ATP10B: variants seen among roughly 807,000 people sequenced by gnomAD.
ATP10B encodes phospholipid-transporting ATPase VB.
A neutral mutation model predicts 141.2 loss-of-function variants in ATP10B; 122 were observed. That is an observed-to-expected ratio of 0.86 (90% CI 0.75 to 1.00). The LOEUF (loss-of-function observed/expected upper bound fraction) is 1.00. Ranked by LOEUF, ATP10B falls within the 50% of genes least tolerant of loss-of-function variation. The probability of loss-of-function intolerance (pLI) is 0.00; values close to 1 mark genes in which losing one functional copy is unlikely to be tolerated. For synonymous variants in ATP10B, 685 were observed against 692.0 expected (o/e 0.99, Z 0.16); for missense variants, 1,876 against 1,825.3 (o/e 1.03, Z -0.51).
intron 2 of ATP10B, among the ~76,000 whole-genome samples, chr5:160,759,091 TGA>T (rs34950903): frequency 0.022 from 3,349 of 152,304 alleles, 111 homozygotes; most frequent in African/African-American, 0.077. Flanking sequence ...GAGCTTTTTT[TGA>T]GTCATAAAAA....
the ATP10B span, among the ~76,000 whole-genome samples, chr5:160,912,203 G>A: frequency 1.3e-5 from 2 of 151,806 alleles, no homozygotes; most frequent in African/African-American, 4.8e-5. Flanking sequence ...TTAGAAAATT[G>A]GAATAAAATA....
chr5:160,865,322 G>A, the ATP10B span, among the ~76,000 whole-genome samples: 1 of 152,030 alleles, frequency 6.6e-6, no homozygotes, highest in Non-Finnish European at 1.5e-5. Flanking sequence ...AAGGTTGGGG[G>A]AAAGGACACT....
chr5:160,576,136 G>A (rs10077637), intron 24 of ATP10B, among the ~76,000 whole-genome samples: 58 of 152,130 alleles, frequency 3.8e-4, no homozygotes, highest in Non-Finnish European at 6.2e-4. Flanking sequence ...GAATGGGGTC[G>A]GGTAGAATTG....
chr5:160,813,024 G>C (rs1244375342), intron 1 of ATP10B, among the ~76,000 whole-genome samples: 1 of 152,196 alleles, frequency 6.6e-6, no homozygotes, highest in Non-Finnish European at 1.5e-5. Flanking sequence ...TGGCCAAATA[G>C]GAACAGCTCC....
chr5:160,580,128 T>G (rs1755450426), intron 24 of ATP10B, among the ~76,000 whole-genome samples: 1 of 152,232 alleles, frequency 6.6e-6, no homozygotes, highest in African/African-American at 2.4e-5. Flanking sequence ...TGACTTCCTC[T>G]TCTCCTATTT....
chr5:160,647,132 T>C (rs1268125167), intron 8 of ATP10B, among the ~76,000 whole-genome samples: 2 of 152,226 alleles, frequency 1.3e-5, no homozygotes, highest in Non-Finnish European at 2.9e-5. Flanking sequence ...CATTTTCAAA[T>C]TGGACACCCT....
the ATP10B span, among the ~76,000 whole-genome samples, chr5:160,878,406 G>A: frequency 6.1e-4 from 93 of 151,852 alleles, no homozygotes; most frequent in African/African-American, 9.7e-4. Context: ...AGACTTAAAC[G>A]TTAGACCTAA....
intron 13 of ATP10B, among the ~76,000 whole-genome samples, chr5:160,625,172 G>T (rs928127558): frequency 6.6e-6 from 1 of 152,154 alleles, no homozygotes; most frequent in South Asian, 2.1e-4. Context: ...GTAAGTGGGA[G>T]GAATTCTTTC....
chr5:160,834,097 G>A (rs1408634240), intron 1 of ATP10B, among the ~76,000 whole-genome samples: 1 of 151,972 alleles, frequency 6.6e-6, no homozygotes, highest in African/African-American at 2.4e-5. Flanking sequence ...GGCTGAGGTG[G>A]GTGGATCACT....
intron 1 of ATP10B, among the ~76,000 whole-genome samples, chr5:160,820,466 A>G (rs1190014277): frequency 1.3e-5 from 2 of 152,128 alleles, no homozygotes; most frequent in Admixed American, 1.3e-4. Flanking sequence ...AAACATTTAA[A>G]GAAGAACTAG....
intron 22 of ATP10B, among the ~76,000 whole-genome samples, chr5:160,593,285 G>C (rs1756449218): frequency 6.6e-6 from 1 of 152,238 alleles, no homozygotes; most frequent in African/African-American, 2.4e-5. Flanking sequence ...TGCAGCCACT[G>C]CTGCTGTTAC....
chr5:160,620,779 C>T lies in ATP10B; in HGVS notation c.1984G>A (p.Glu662Lys), dbSNP rs1375507043. 6.2e-7 allele frequency: 1 copy of T among 1,614,132 alleles called. No homozygotes were observed. The highest frequency in any genetic ancestry group is 1.7e-5 in the Admixed American group (1 of 60,010). Residue 662 changes from glutamate to lysine, a missense_variant, in exon 15 of 26, where the codon GAG (glutamate) becomes AAG (lysine). Physicochemically the swap from Glu to Lys is moderately conservative, Grantham distance 56 (BLOSUM62 1). Coordinates refer to ENST00000327245, the MANE Select transcript of ATP10B (RefSeq NM_025153.3). Reference protein sequence around the residue: ...GANVATTDSDERDDASVCSGG... With the variant: ...GANVATTDSDKRDDASVCSGG... Reference sequence around the variant, plus strand: ...CTGCACACAGATGCATCATCTCTCTCATCCGAGTCTGTGGTGGCCACGTTG... The same window carrying T: ...CTGCACACAGATGCATCATCTCTCTTATCCGAGTCTGTGGTGGCCACGTTG...
chr5:160,672,977 T>A (rs914424457), intron 6 of ATP10B, among the ~76,000 whole-genome samples: 6 of 152,142 alleles, frequency 3.9e-5, no homozygotes, highest in African/African-American at 1.4e-4. Flanking sequence ...GTGCTTCCAT[T>A]TGGAAGGCCA....
intron 2 of ATP10B, among the ~76,000 whole-genome samples, chr5:160,740,188 C>T (rs1350535584): frequency 6.6e-6 from 1 of 152,146 alleles, no homozygotes; most frequent in African/African-American, 2.4e-5. Flanking sequence ...TTTTAACTAT[C>T]TGGGGTTGTG....
At chr5:160,653,937 G>T (rs201288695) in intron 7 of ATP10B, among the ~76,000 whole-genome samples, 1 of 118,484 alleles carries the variant, frequency 8.4e-6, no homozygotes, top group African/African-American at 3.4e-5. Flanking sequence ...TTGTATATAC[G>T]TATATACATA....
At chr5:160,628,685 T>A (rs1053540906) in intron 13 of ATP10B, among the ~76,000 whole-genome samples, 1 of 152,192 alleles carries the variant, frequency 6.6e-6, no homozygotes, top group African/African-American at 2.4e-5. Flanking sequence ...ATTAGGAAGA[T>A]ATTCTGTGGT....
intron 2 of ATP10B, among the ~76,000 whole-genome samples, chr5:160,772,511 T>C (rs574363650): frequency 1.2e-4 from 19 of 152,282 alleles, no homozygotes; most frequent in African/African-American, 4.1e-4. Context: ...GGAAGACAAT[T>C]CTTCCAGGGA....
rs1278789209 is a variant in ATP10B, at chr5:160,687,995, G to A, written c.80C>T (p.Thr27Ile). 1.9e-6 allele frequency: 3 copies of A among 1,614,090 alleles called. No homozygotes were observed. In the Admixed American group the frequency reaches 5.0e-5, roughly 27 times the overall value. ...TTTCTCTGGAGAGAGCAGCGGTGTGGTTTCCGATGGACAATGGGGGAAGCC... is the reference window on the plus strand; with the variant it reads ...TTTCTCTGGAGAGAGCAGCGGTGTGATTTCCGATGGACAATGGGGGAAGCC... The part of the protein sequence containing the change: ...RDGFPHCPSE[T>I]TPLLSPEKGR... The change falls in exon 5 of 26, where the codon ACC becomes ATC. Residue 27 changes from threonine to isoleucine, a missense_variant. By Grantham distance (89) the Thr-to-Ile change is moderately conservative. Transcript: ENST00000327245.
chr5:160,667,594 CTTTTT>C (rs1193264067), intron 7 of ATP10B, among the ~76,000 whole-genome samples: 1 of 152,164 alleles, frequency 6.6e-6, no homozygotes, highest in African/African-American at 2.4e-5. Flanking sequence ...ACCTCTCTCT[CTTTTT>C]TGTTTTTCTT....
Sources: allele counts gnomAD v4.1 joint callset (sites outside exome capture counted in the v4.1 genomes callset), GRCh38; gene constraint gnomAD v4.1.1; transcripts MANE v1.5; gene names NCBI Gene and HGNC (gene_info 2026-07-23, HGNC 2026-07-21).